The following ATAD1 variants were observed in gnomAD, a reference collection of about 807,000 sequenced individuals.
The protein encoded by ATAD1 is ATPase family AAA domain containing 1.
In ATAD1, 18 loss-of-function variants were observed where a neutral mutation model predicts 42.7. That is an observed-to-expected ratio of 0.42 (90% confidence interval 0.29 to 0.63). ATAD1 has a LOEUF of 0.63. Ranked by LOEUF, ATAD1 falls within the 20% of genes least tolerant of loss-of-function variation. ATAD1 has a pLI of 0.19. For missense variants in ATAD1, 294 were observed against 440.4 expected (o/e 0.67, Z 2.98); for synonymous variants, 132 against 143.1 (o/e 0.92, Z 0.55).
chr10:87,815,892 T>C (rs1857394673), intron 1 of ATAD1, among the ~76,000 whole-genome samples: 1 of 152,138 alleles, frequency 6.6e-6, no homozygotes, highest in Admixed American at 6.5e-5. Context: ...TATAAATAGC[T>C]GGAGTCACTA....
chr10:87,803,181 C>T (rs1161043163), intron 2 of ATAD1, among the ~76,000 whole-genome samples: 1 of 152,166 alleles, frequency 6.6e-6, no homozygotes, highest in African/African-American at 2.4e-5. Context: ...CTTCACAAGA[C>T]ATGAGACTTC....
At chr10:87,756,102 G>A (rs1050679019) in intron 9 of ATAD1, among the ~76,000 whole-genome samples, 6 of 152,140 alleles carry the variant, frequency 3.9e-5, no homozygotes, top group African/African-American at 1.4e-4. Flanking sequence ...CCACAGGCAA[G>A]GAGTGAAATC....
At chr10:87,809,361 T>G (rs950640997) in intron 2 of ATAD1, among the ~76,000 whole-genome samples, 3 of 152,152 alleles carry the variant, frequency 2.0e-5, no homozygotes, top group Non-Finnish European at 2.9e-5. Flanking sequence ...AGAGAAAGCA[T>G]GTTATTTAAA....
intron 2 of ATAD1, among the ~76,000 whole-genome samples, chr10:87,802,120 A>C (rs1856725281): frequency 6.6e-6 from 1 of 152,234 alleles, no homozygotes; most frequent in Non-Finnish European, 1.5e-5. Flanking sequence ...TTATGGCAAT[A>C]CAGTTATTTG....
intron 5 of ATAD1, among the ~76,000 whole-genome samples, chr10:87,779,935 ACT>A (rs1266163126): frequency 6.6e-6 from 1 of 152,092 alleles, no homozygotes; most frequent in Admixed American, 6.6e-5. Flanking sequence ...AAAACTAAAC[ACT>A]GTTTTACCAT....
At chr10:87,776,561 C>T in intron 5 of ATAD1, 134 bp from the exon 6 acceptor site, 1 of 619,124 alleles carries the variant, frequency 1.6e-6, no homozygotes, top group South Asian at 1.9e-5. Flanking sequence ...CTCGAACTCC[C>T]AGGCTTAAGT....
chr10:87,759,300 C>T (rs1854373227), intron 8 of ATAD1, among the ~76,000 whole-genome samples: 1 of 151,820 alleles, frequency 6.6e-6, no homozygotes, highest in African/African-American at 2.4e-5. Context: ...CAGCAGGTTA[C>T]CAATGACGGT....
chr10:87,766,228 T>C (rs112053575), intron 8 of ATAD1, among the ~76,000 whole-genome samples: 2 of 152,316 alleles, frequency 1.3e-5, no homozygotes, highest in African/African-American at 4.8e-5. Flanking sequence ...ACCTTTGATC[T>C]AGCAATTCCG....
chr10:87,836,095 T>C (rs1183816841), intron 1 of ATAD1, among the ~76,000 whole-genome samples: 1 of 152,166 alleles, frequency 6.6e-6, no homozygotes. Context: ...CCATTTCTGT[T>C]TTTCCTTCTT....
intron 4 of ATAD1, 133 bp downstream of exon 4, chr10:87,790,177 T>C: frequency 2.0e-6 from 2 of 995,038 alleles, no homozygotes; most frequent in Non-Finnish European, 2.8e-6. Context: ...GCAATTATTT[T>C]AAGAAACTGT....
In ATAD1 at chr10:87,775,147, G is replaced by A. The variant is rs78665958; in HGVS notation, c.690+1174C>T. ...TAGGAAATACTAAAGTTGGCTGGGC[G>A]CAGTGGTTCATGCCTATAATCCCAG... On this transcript the variant is annotated intron_variant, in intron 6 of 9. Transcript: ENST00000680024. Among the ~76,000 whole-genome samples the A allele has an allele frequency of 1.3e-3, 198 of 151,654 alleles. 1 individual carries two copies. The East Asian group carries it at 0.015, about 11-fold the overall frequency.
intron 2 of ATAD1, among the ~76,000 whole-genome samples, chr10:87,809,734 G>GTAAC (rs1404263598): frequency 6.6e-6 from 1 of 151,666 alleles, no homozygotes; most frequent in African/African-American, 2.4e-5. Flanking sequence ...TCGGCTCATT[G>GTAAC]TAACCCCCGC....
chr10:87,797,739 A>G (rs866323703), intron 2 of ATAD1, among the ~76,000 whole-genome samples: 1 of 152,286 alleles, frequency 6.6e-6, no homozygotes, highest in Middle Eastern at 3.4e-3. Flanking sequence ...GTTTACAGGA[A>G]GTGGTCTTGG....
At chr10:87,779,607 AAAATT>A (rs1302191176) in intron 5 of ATAD1, among the ~76,000 whole-genome samples, 1 of 152,120 alleles carries the variant, frequency 6.6e-6, no homozygotes, top group Non-Finnish European at 1.5e-5. Context: ...GTATCAATAA[AAAATT>A]AAAAAATCAA....
chr10:87,824,739 G>A (rs1857694383), intron 1 of ATAD1, among the ~76,000 whole-genome samples: 1 of 152,142 alleles, frequency 6.6e-6, no homozygotes, highest in African/African-American at 2.4e-5. Context: ...TTTCAACCAT[G>A]GCATCTTGTC....
chr10:87,818,531 G>T, upstream of ATAD1: 1 of 152,706 alleles, frequency 6.5e-6, no homozygotes. Context: ...TGACAAATCG[G>T]GCAGCCTTCT....
At chr10:87,764,519 CA>C (rs1470330770) in intron 8 of ATAD1, among the ~76,000 whole-genome samples, 1 of 152,034 alleles carries the variant, frequency 6.6e-6, no homozygotes, top group East Asian at 1.9e-4. Flanking sequence ...TCTAGAAAAA[CA>C]AAACCAAAGT....
chr10:87,793,196 C>T (rs1414755038), intron 2 of ATAD1, among the ~76,000 whole-genome samples: 1 of 152,112 alleles, frequency 6.6e-6, no homozygotes, highest in Non-Finnish European at 1.5e-5. Flanking sequence ...AAACAGATGT[C>T]CAACTTCCTT....
At chr10:87,772,201 TTTTC>T (rs751935337) in intron 6 of ATAD1, among the ~76,000 whole-genome samples, 66 of 152,206 alleles carry the variant, frequency 4.3e-4, no homozygotes, top group African/African-American at 6.3e-4. Context: ...TTTTTCTTTA[TTTTC>T]TTTCTTTCTT....
Sources: allele counts gnomAD v4.1 joint callset (sites outside exome capture counted in the v4.1 genomes callset), GRCh38; gene constraint gnomAD v4.1.1; transcripts MANE v1.5; gene names NCBI Gene and HGNC (gene_info 2026-07-23, HGNC 2026-07-21).